CSGALNACT1: variants seen among roughly 807,000 people sequenced by gnomAD.
CSGALNACT1 encodes the protein beta4GalNAcT-1.
CSGALNACT1 carries 52 observed loss-of-function variants against 51.0 expected under a neutral mutation model. The observed-to-expected ratio is 1.02, with a 90% CI of 0.82 to 1.29. The LOEUF is 1.29. Ranked by LOEUF, CSGALNACT1 falls within the 50% of genes most tolerant of loss-of-function variation. CSGALNACT1 has a pLI of 0.00. For missense variants in CSGALNACT1, 935 were observed against 679.2 expected, an observed-to-expected ratio of 1.38 and a Z score of -4.19; for synonymous variants, 341 against 254.4, an observed-to-expected ratio of 1.34 and a Z score of -3.24.
At chr8:19,520,299 A>T (rs1305716542) in intron 3 of CSGALNACT1, among the ~76,000 whole-genome samples, 3 of 152,232 alleles carry the variant, frequency 2.0e-5, no homozygotes, top group Non-Finnish European at 4.4e-5. Flanking sequence ...GGAATAAAAA[A>T]TGTAGGGAAA....
At position 19,677,311 on chromosome 8, in the gene CSGALNACT1, A is replaced by G. The variant is rs919428702; in HGVS notation, c.-544+5162T>C. ...TCTTTTACAGAGACAGCATTTTGCC[A>G]TGTTGGCTAGGCTGGTCTTGAAGTC... On this transcript the variant is annotated intron_variant, in intron 1 of 9. Coordinates refer to the CSGALNACT1 transcript ENST00000332246. Among the ~76,000 whole-genome samples the G allele has an allele frequency of 8.5e-5, 13 of 152,272 alleles. No individual in the cohort carries two copies. The East Asian group carries it at 1.9e-3, about 23-fold the overall frequency.
At chr8:19,739,581 C>T (rs2064184999) in intron 1 of CSGALNACT1, among the ~76,000 whole-genome samples, 1 of 152,162 alleles carries the variant, frequency 6.6e-6, no homozygotes, top group South Asian at 2.1e-4. Flanking sequence ...ACAAGTGAAC[C>T]CTGGCTAATA....
chr8:19,575,442 T>G lies in CSGALNACT1; in HGVS notation c.-297+15718A>C, dbSNP rs1247318172. Among the ~76,000 whole-genome samples, 4 of 152,338 alleles carry G rather than the reference T, an allele frequency of 2.6e-5. No homozygotes were observed. The East Asian group carries it at 7.7e-4, about 29-fold the overall frequency. ...AAGTTTCTAAATCTACCTACTAGCT[T>G]GCAGGTAATACCAGAGATAGAGAAA... On this transcript the variant is annotated intron_variant, in intron 3 of 9. Coordinates refer to ENST00000454498, the Ensembl canonical transcript of CSGALNACT1.
At chr8:19,508,699 C>A (rs1018835024) in intron 3 of CSGALNACT1, among the ~76,000 whole-genome samples, 4 of 152,094 alleles carry the variant, frequency 2.6e-5, no homozygotes, top group African/African-American at 9.7e-5. Flanking sequence ...ACAAGCAAAT[C>A]AAGAAACAAA....
intron 1 of CSGALNACT1, among the ~76,000 whole-genome samples, chr8:19,624,068 C>CT (rs1366127293): frequency 6.6e-6 from 1 of 152,168 alleles, no homozygotes; most frequent in African/African-American, 2.4e-5. Context: ...GTGCTAAACC[C>CT]TTTGTCTTTT....
chr8:19,622,084 G>A (rs1228275091), intron 1 of CSGALNACT1, among the ~76,000 whole-genome samples: 1 of 152,184 alleles, frequency 6.6e-6, no homozygotes, highest in Non-Finnish European at 1.5e-5. Context: ...CTGGTTAACA[G>A]AATTTGGAAG....
intron 1 of CSGALNACT1, among the ~76,000 whole-genome samples, chr8:19,754,846 G>C (rs1416528935): frequency 6.6e-6 from 1 of 152,124 alleles, no homozygotes; most frequent in Admixed American, 6.5e-5. Flanking sequence ...TCTCCAACCC[G>C]GCTTTATAGG....
chr8:19,685,617 C>T (rs953776868), upstream of CSGALNACT1, among the ~76,000 whole-genome samples: 6 of 152,238 alleles, frequency 3.9e-5, no homozygotes, highest in Non-Finnish European at 8.8e-5. Context: ...GTGCCCTGAA[C>T]TATCAACCTT....
chr8:19,516,154 T>C (rs904906314), intron 3 of CSGALNACT1, among the ~76,000 whole-genome samples: 9 of 152,146 alleles, frequency 5.9e-5, no homozygotes, highest in Non-Finnish European at 1.2e-4. Context: ...AGCATTTACG[T>C]TGGGGCCAGA....
chr8:19,520,188 G>A (rs2080373062), intron 3 of CSGALNACT1, among the ~76,000 whole-genome samples: 1 of 152,220 alleles, frequency 6.6e-6, no homozygotes, highest in South Asian at 2.1e-4. Flanking sequence ...TATAGAACGG[G>A]ACTACAGAAT....
At chr8:19,679,683 A>G (rs982701973) in intron 1 of CSGALNACT1, among the ~76,000 whole-genome samples, 1 of 152,162 alleles carries the variant, frequency 6.6e-6, no homozygotes, top group Non-Finnish European at 1.5e-5. Context: ...GACTCAAGAC[A>G]GTCATGTGCC....
intron 1 of CSGALNACT1, among the ~76,000 whole-genome samples, chr8:19,691,084 C>T (rs1053357184): frequency 1.3e-4 from 20 of 152,140 alleles, no homozygotes; most frequent in African/African-American, 4.8e-4. Context: ...AGAGTGAGAC[C>T]TAGTCTCAAA....
chr8:19,451,684 C>A (rs1308433651), intron 5 of CSGALNACT1, among the ~76,000 whole-genome samples: 1 of 152,186 alleles, frequency 6.6e-6, no homozygotes, highest in Non-Finnish European at 1.5e-5. Context: ...GCTGCTCTTT[C>A]TTGGGAATTC....
intron 3 of CSGALNACT1, among the ~76,000 whole-genome samples, chr8:19,522,516 G>A (rs572347709): frequency 2.6e-4 from 40 of 152,294 alleles, no homozygotes; most frequent in African/African-American, 9.6e-4. Context: ...TTTAAAAGGC[G>A]ATGTATGTAA....
chr8:19,629,603 G>A (rs2054934073), intron 1 of CSGALNACT1, among the ~76,000 whole-genome samples: 1 of 152,208 alleles, frequency 6.6e-6, no homozygotes, highest in Non-Finnish European at 1.5e-5. Flanking sequence ...TAAACTTGGA[G>A]ATTTGTGGAC....
chr8:19,604,011 G>A (rs2050983827), upstream of CSGALNACT1, among the ~76,000 whole-genome samples: 3 of 152,150 alleles, frequency 2.0e-5, no homozygotes, highest in Admixed American at 1.3e-4. Context: ...TCGGAGCCAC[G>A]GCATGGCTCA....
At chr8:19,505,409 C>G in exon 4 of CSGALNACT1, 5 of 1,614,236 alleles carry the variant, frequency 3.1e-6, no homozygotes, top group Non-Finnish European at 4.2e-6. Flanking sequence ...CTGCTGCATA[C>G]TCTGTGGCCA....
At chr8:19,563,078 C>A (rs1019167380) in intron 3 of CSGALNACT1, among the ~76,000 whole-genome samples, 9 of 152,106 alleles carry the variant, frequency 5.9e-5, no homozygotes, top group Non-Finnish European at 1.5e-5. Context: ...ACATACACAC[C>A]ATGGAATACT....
chr8:19,459,846 A>C (rs2064990482), intron 4 of CSGALNACT1, among the ~76,000 whole-genome samples: 1 of 152,178 alleles, frequency 6.6e-6, no homozygotes, highest in African/African-American at 2.4e-5. Flanking sequence ...GAAGGTAGAG[A>C]GGCAGGAGAG....
Sources: gnomAD v4.1 joint callset for allele counts (sites outside exome capture counted in the v4.1 genomes callset) on GRCh38, gnomAD v4.1.1 for gene constraint, MANE v1.5 for transcripts, NCBI Gene and HGNC (gene_info 2026-07-23, HGNC 2026-07-21) for gene names.